RASSF4: variants seen among roughly 807,000 people sequenced by gnomAD.
RASSF4 encodes Ras association domain family member 4.
RASSF4 carries 38 observed loss-of-function variants against 41.1 expected under a neutral mutation model. The observed-to-expected ratio is 0.92, with a 90% CI of 0.71 to 1.21. The LOEUF (loss-of-function observed/expected upper bound fraction) is 1.21, where lower values mean the gene tolerates loss of function less well. Among genes scored for constraint, RASSF4 ranks in the 50% most tolerant of loss-of-function variants. The pLI is 0.00. For synonymous variants in RASSF4, 179 were observed against 163.4 expected, an observed-to-expected ratio of 1.10 and a Z score of -0.73; for missense variants, 414 against 419.4, an observed-to-expected ratio of 0.99 and a Z score of 0.11.
chr10:44,968,990 GTGTT>G (rs1398352258), intron 1 of RASSF4, among the ~76,000 whole-genome samples: 2 of 151,330 alleles, frequency 1.3e-5, no homozygotes, highest in South Asian at 2.1e-4. Flanking sequence ...GAGATTGTGA[GTGTT>G]TGTGTATGTG....
rs115188387 is a variant in RASSF4, at chr10:44,990,863, G to A, written c.686-85G>A. ...CTTAGGGTTCCCTGCGCCCCTAGACGCACATTTTCTATCAGTTCCTAATCT... is the reference window on the plus strand; with the variant it reads ...CTTAGGGTTCCCTGCGCCCCTAGACACACATTTTCTATCAGTTCCTAATCT... On this transcript the variant is annotated intron_variant, in intron 8 of 10. Transcript: ENST00000340258. The A allele has an allele frequency of 2.6e-3, 3,783 of 1,441,210 alleles. 101 individuals are homozygous for A. The African/African-American group carries it at 0.048, about 18-fold the overall frequency. The allele number at this position is 1,441,210 out of a possible 1,614,324, so 89.3% of individuals were successfully genotyped here.
intron 1 of RASSF4, among the ~76,000 whole-genome samples, chr10:44,962,750 C>T (rs1479555470): frequency 1.3e-5 from 2 of 152,138 alleles, no homozygotes; most frequent in African/African-American, 2.4e-5. Context: ...TAGAGGTGAG[C>T]CTGGTTGGTG....
intron 3 of RASSF4, 101 bp from the exon 4 acceptor site, chr10:44,982,420 G>A (rs755093650): frequency 1.6e-4 from 228 of 1,423,998 alleles, no homozygotes; most frequent in Non-Finnish European, 2.2e-4. Flanking sequence ...TCAGGAGGAG[G>A]GATGTGCAAG....
chr10:44,991,111 G>C lies in RASSF4; in HGVS notation c.807+42G>C, dbSNP rs202093596. 5 of 1,565,082 alleles carry C rather than the reference G, an allele frequency of 3.2e-6. No individual in the cohort carries two copies. In the East Asian group the frequency reaches 9.1e-5, roughly 28 times the overall value. On this transcript the variant is annotated intron_variant, in intron 9 of 10. Coordinates refer to ENST00000340258, the MANE Select transcript of RASSF4 (RefSeq NM_032023.4). ...GCTGGGGAGGCCTGCTCTAGGGTGA[G>C]GGGTTCTTGGGTGACGGGGCCTCCC...
chr10:44,993,344 C>G lies in RASSF4; in HGVS notation c.*15C>G, dbSNP rs1390527719. The G allele has an allele frequency of 1.3e-6, 2 of 1,596,176 alleles. No homozygotes were observed. The highest frequency in any genetic ancestry group is 1.7e-6 in the Non-Finnish European group (2 of 1,175,554). The stretch of plus-strand genomic sequence containing the variant: ...AGGCCAAGTAACTGGCCAACACCTG[C>G]CTCTTCCAAAGTCCCCAGCAGTGGC... On this transcript the variant is annotated 3_prime_UTR_variant, in exon 11 of 11. Transcript: ENST00000340258.
intron 6 of RASSF4, among the ~76,000 whole-genome samples, chr10:44,986,004 G>A (rs7896801): frequency 0.73 from 111,388 of 152,030 alleles, 40,907 homozygotes; most frequent in African/African-American, 0.77. Context: ...AAGGACACAT[G>A]ACATGACTTG....
chr10:44,993,508 G>A lies in RASSF4; in HGVS notation c.*179G>A. The A allele has an allele frequency of 4.9e-6, 3 of 612,872 alleles. No individual in the cohort carries two copies. The allele number at this position is 612,872 out of a possible 1,614,324, so 38.0% of individuals were successfully genotyped here. ...TCCCACAGCCAGCTCTTGGCTCCAA[G>A]ATGAGCACCCACAGGAAGCCGACCC... On this transcript the variant is annotated 3_prime_UTR_variant, in exon 11 of 11. Transcript: ENST00000340258.
intron 3 of RASSF4, among the ~76,000 whole-genome samples, chr10:44,979,560 T>C (rs1365488741): frequency 2.6e-5 from 4 of 151,846 alleles, no homozygotes; most frequent in Non-Finnish European, 5.9e-5. Context: ...CCGCCACAGG[T>C]ACAGTGGTCA....
At chr10:44,960,656 GC>G (rs1840676330) in intron 1 of RASSF4, among the ~76,000 whole-genome samples, 1 of 152,206 alleles carries the variant, frequency 6.6e-6, no homozygotes, top group African/African-American at 2.4e-5. Context: ...CAGAATCAGT[GC>G]CCAGGCCAGG....
chr10:44,980,201 T>C (rs751131644), intron 3 of RASSF4, among the ~76,000 whole-genome samples: 1 of 152,164 alleles, frequency 6.6e-6, no homozygotes, highest in African/African-American at 2.4e-5. Context: ...GGGAACTCCA[T>C]GTGCACAAAG....
Position 44,971,755 on chromosome 10 carries a change from G to C in RASSF4, c.63-18G>C, listed in dbSNP as rs374069062. On this transcript the variant is annotated intron_variant, in intron 2 of 10. Coordinates refer to ENST00000340258, the MANE Select transcript of RASSF4 (RefSeq NM_032023.4). ...CCTGCCACACCCTAGGAGTACATGT[G>C]TGTCTTTCCCTTTTTAGGTCGGAGC... 1 of 1,608,230 alleles carries C rather than the reference G, an allele frequency of 6.2e-7. No homozygotes were observed. The highest frequency in any genetic ancestry group is 8.5e-7 in the Non-Finnish European group (1 of 1,174,738).
intron 6 of RASSF4, among the ~76,000 whole-genome samples, chr10:44,985,656 A>C (rs975509613): frequency 6.6e-6 from 1 of 152,154 alleles, no homozygotes; most frequent in Non-Finnish European, 1.5e-5. Flanking sequence ...GACTTATGGC[A>C]GGGAGGGGGC....
chr10:44,977,270 G>A (rs930554665), intron 3 of RASSF4: 1 of 1,314,314 alleles, frequency 7.6e-7, no homozygotes, highest in African/African-American at 1.5e-5. Context: ...TGCCCAAGCA[G>A]GGGCCTCTGC....
intron 10 of RASSF4, among the ~76,000 whole-genome samples, chr10:44,992,483 G>T (rs988919959): frequency 6.6e-6 from 1 of 152,246 alleles, no homozygotes; most frequent in African/African-American, 2.4e-5. Context: ...GGTGCAGAGG[G>T]CTAGTTCAAT....
chr10:44,981,937 A>T (rs1259977999), intron 3 of RASSF4: 2 of 154,844 alleles, frequency 1.3e-5, no homozygotes, highest in African/African-American at 4.8e-5. Context: ...CTGGTATGGG[A>T]TATAGGGCTA....
chr10:44,990,735 A>G (rs1266898759), intron 8 of RASSF4: 3 of 464,038 alleles, frequency 6.5e-6, no homozygotes, highest in Non-Finnish European at 1.2e-5. Context: ...CAGCCGCTCC[A>G]CTTAATCCTT....
At chr10:44,964,772 G>A (rs1272623165) in intron 1 of RASSF4, among the ~76,000 whole-genome samples, 6 of 152,250 alleles carry the variant, frequency 3.9e-5, no homozygotes, top group East Asian at 1.9e-4. Context: ...CCTGTTGGGT[G>A]TGCGTGTTCC....
intron 3 of RASSF4, among the ~76,000 whole-genome samples, chr10:44,980,098 T>C (rs908597957): frequency 6.6e-6 from 1 of 152,002 alleles, no homozygotes; most frequent in Non-Finnish European, 1.5e-5. Flanking sequence ...GTCTTGAGAG[T>C]TAGCCCAAGC....
rs1326598731 is a variant in RASSF4, at chr10:44,971,820, G to A, written c.110G>A (p.Gly37Asp). The part of the protein sequence containing the change: ...LLKTYNCYHE[G>D]KSFQLRHREE... ...AAAACCTACAACTGCTACCATGAGG[G>A]CAAGAGCTTCCAGCTGAGACACCGT... is the stretch of plus-strand genomic sequence containing the variant. The change falls in exon 3 of 11, where the codon GGC (glycine) becomes GAC (aspartate). Residue 37 changes from glycine to aspartate, a missense_variant. By Grantham distance (94) the Gly-to-Asp change is moderately conservative. Coordinates refer to ENST00000340258, the MANE Select transcript of RASSF4 (RefSeq NM_032023.4). The A allele has an allele frequency of 1.2e-6, 2 of 1,612,512 alleles. No individual in the cohort carries two copies. Among genetic ancestry groups the A allele is most frequent in the Admixed American group, 3.3e-5 (2 of 59,980 alleles).
Sources: gnomAD v4.1 joint callset for allele counts (sites outside exome capture counted in the v4.1 genomes callset) on GRCh38, gnomAD v4.1.1 for gene constraint, MANE v1.5 for transcripts, NCBI Gene and HGNC (gene_info 2026-07-23, HGNC 2026-07-21) for gene names.